Variants in FBLN7 observed in about 807,000 individuals in gnomAD.
The protein encoded by FBLN7 is fibulin-7.
A neutral mutation model predicts 44.0 loss-of-function variants in FBLN7; 31 were observed. The ratio of observed to expected loss-of-function variants is 0.70; its 90% CI spans 0.53 to 0.95. FBLN7 has a LOEUF of 0.95. FBLN7 is among the 40% of genes least tolerant of loss of function. The pLI is 0.00. For missense variants in FBLN7, 573 were observed against 618.5 expected (o/e 0.93, Z 0.78); for synonymous variants, 262 against 253.4 (o/e 1.03, Z -0.32).
At chr2:112,160,151 C>T (rs532907445) in intron 2 of FBLN7, among the ~76,000 whole-genome samples, 15 of 152,188 alleles carry the variant, frequency 9.9e-5, no homozygotes, top group East Asian at 3.9e-4. Flanking sequence ...CCACCACGCC[C>T]GGCTAATTTT....
At chr2:112,208,558 C>A in the FBLN7 span, among the ~76,000 whole-genome samples, 2 of 151,934 alleles carry the variant, frequency 1.3e-5, no homozygotes, top group Non-Finnish European at 2.9e-5. Context: ...TTGATCCATC[C>A]ACTTCTTCCT....
downstream of FBLN7, chr2:112,190,097 A>T (rs1683437123): frequency 6.6e-6 from 1 of 152,142 alleles, no homozygotes; most frequent in Non-Finnish European, 1.5e-5. Context: ...TATATTGTAG[A>T]ATTTTTCACA....
At chr2:112,170,325 G>A (rs1023770656) in intron 3 of FBLN7, among the ~76,000 whole-genome samples, 2 of 151,772 alleles carry the variant, frequency 1.3e-5, no homozygotes, top group African/African-American at 4.8e-5. Context: ...TCAGGAGTTC[G>A]AGACCAGCCT....
intron 5 of FBLN7, 55 bp from the exon 6 acceptor site, chr2:112,182,736 C>G (rs1311698127): frequency 2.6e-6 from 4 of 1,533,598 alleles, no homozygotes; most frequent in Non-Finnish European, 3.5e-6. Context: ...TGGGTCACAG[C>G]TGGCAACACT....
chr2:112,148,251 TC>T (rs1680984083), intron 1 of FBLN7, among the ~76,000 whole-genome samples: 1 of 152,136 alleles, frequency 6.6e-6, no homozygotes. Flanking sequence ...CCTCAGTCAC[TC>T]TAGAGCTTGG....
the FBLN7 span, among the ~76,000 whole-genome samples, chr2:112,224,280 G>A: frequency 6.6e-6 from 1 of 152,106 alleles, no homozygotes; most frequent in Non-Finnish European, 1.5e-5. Flanking sequence ...TGCTTTGGCA[G>A]AATAAAAAGA....
the FBLN7 span, among the ~76,000 whole-genome samples, chr2:112,227,251 G>A: frequency 9.2e-5 from 14 of 152,332 alleles, no homozygotes; most frequent in African/African-American, 2.4e-4. Flanking sequence ...GCAGCTGGGC[G>A]CGGTGGCTCA....
intron 1 of FBLN7, among the ~76,000 whole-genome samples, chr2:112,147,078 T>C (rs879932207): frequency 1.3e-5 from 2 of 152,182 alleles, no homozygotes; most frequent in Admixed American, 1.3e-4. Flanking sequence ...TTTAGTCTGT[T>C]AATAAGGTGG....
intron 1 of FBLN7, among the ~76,000 whole-genome samples, chr2:112,148,235 A>G (rs1292430872): frequency 6.6e-6 from 1 of 152,122 alleles, no homozygotes; most frequent in East Asian, 1.9e-4. Context: ...CCAGGTTGAG[A>G]TGGCTCCTCA....
the FBLN7 span, among the ~76,000 whole-genome samples, chr2:112,224,793 C>T: frequency 5.9e-5 from 9 of 152,158 alleles, no homozygotes; most frequent in East Asian, 1.7e-3. Context: ...TGAAAGAATA[C>T]CAGTGGATGC....
downstream of FBLN7, chr2:112,188,934 G>T (rs556612450): frequency 1.3e-5 from 2 of 152,340 alleles, no homozygotes; most frequent in Admixed American, 1.3e-4. Flanking sequence ...GTTTCTAAAT[G>T]TAGCTATGCT....
chr2:112,231,454 T>C, the FBLN7 span, among the ~76,000 whole-genome samples: 1 of 152,230 alleles, frequency 6.6e-6, no homozygotes, highest in East Asian at 1.9e-4. Flanking sequence ...AAATTACTAC[T>C]TAACTATTAT....
the FBLN7 span, among the ~76,000 whole-genome samples, chr2:112,218,101 T>C: frequency 2.0e-5 from 3 of 152,232 alleles, no homozygotes; most frequent in Admixed American, 2.0e-4. Context: ...AAACAACTCA[T>C]TCAGCTTGCA....
At chr2:112,232,435 C>A in the FBLN7 span, among the ~76,000 whole-genome samples, 1 of 151,764 alleles carries the variant, frequency 6.6e-6, no homozygotes, top group South Asian at 2.1e-4. Flanking sequence ...GGACTACATA[C>A]GTAAATCAAG....
At chr2:112,150,072 AC>A (rs1289115091) in intron 1 of FBLN7, among the ~76,000 whole-genome samples, 5 of 152,134 alleles carry the variant, frequency 3.3e-5, no homozygotes, top group Non-Finnish European at 7.3e-5. Flanking sequence ...TCCCCGAGCC[AC>A]CCTTGGCCCC....
intron 3 of FBLN7, among the ~76,000 whole-genome samples, chr2:112,173,809 G>C (rs533642851): frequency 6.6e-6 from 1 of 152,224 alleles, no homozygotes; most frequent in Non-Finnish European, 1.5e-5. Flanking sequence ...AGTGGGTGCC[G>C]GGCTGGACAT....
the FBLN7 span, among the ~76,000 whole-genome samples, chr2:112,207,196 G>A: frequency 5.9e-5 from 9 of 152,188 alleles, no homozygotes; most frequent in African/African-American, 1.9e-4. Flanking sequence ...GCCAGGCAAG[G>A]TGGCTCATGC....
chr2:112,165,630 A>C (rs140237825), intron 3 of FBLN7, among the ~76,000 whole-genome samples: 171 of 152,224 alleles, frequency 1.1e-3, no homozygotes, highest in African/African-American at 3.8e-3. Flanking sequence ...CTGCAGGATG[A>C]TGCTGCTGTG....
At chr2:112,214,860 T>A in the FBLN7 span, 4 of 152,140 alleles carry the variant, frequency 2.6e-5, no homozygotes, top group African/African-American at 9.7e-5. Flanking sequence ...CCTAACTTGA[T>A]TCAACACAAA....
Sources: gnomAD v4.1 joint callset for allele counts (sites outside exome capture counted in the v4.1 genomes callset) on GRCh38, gnomAD v4.1.1 for gene constraint, MANE v1.5 for transcripts, NCBI Gene and HGNC (gene_info 2026-07-23, HGNC 2026-07-21) for gene names.